NRXN3: variants seen among roughly 807,000 people sequenced by gnomAD.
NRXN3 encodes neurexin 3.
Under a neutral mutation model 137.6 loss-of-function variants are expected in NRXN3, and 32 were observed. The observed-to-expected ratio is 0.23, with a 90% confidence interval of 0.18 to 0.31. The LOEUF (loss-of-function observed/expected upper bound fraction) is 0.31. NRXN3 is among the 10% of genes least tolerant of loss of function. The probability of loss-of-function intolerance (pLI) is 1.00; values close to 1 mark genes in which losing one functional copy is unlikely to be tolerated. For missense variants in NRXN3, 1,574 were observed against 2,062.5 expected, an observed-to-expected ratio of 0.76 and a Z score of 4.59; for synonymous variants, 798 against 784.5, an observed-to-expected ratio of 1.02 and a Z score of -0.29.
chr14:79,598,867 C>G (rs184074190), intron 16 of NRXN3, among the ~76,000 whole-genome samples: 2 of 152,148 alleles, frequency 1.3e-5, no homozygotes, highest in Non-Finnish European at 2.9e-5. Flanking sequence ...AATGCTGCTT[C>G]CCTGATAAAC....
At chr14:79,120,836 A>C (rs1225022411) in intron 15 of NRXN3, among the ~76,000 whole-genome samples, 5 of 152,140 alleles carry the variant, frequency 3.3e-5, no homozygotes, top group Non-Finnish European at 7.4e-5. Flanking sequence ...CATATTAATA[A>C]AATCTCAAAA....
intron 6 of NRXN3, among the ~76,000 whole-genome samples, chr14:78,701,529 T>C (rs1237918488): frequency 1.3e-5 from 2 of 152,200 alleles, no homozygotes; most frequent in Non-Finnish European, 2.9e-5. Context: ...AGGATTTTGC[T>C]ACTTCAACGT....
At chr14:78,696,392 C>T (rs1487824581) in intron 6 of NRXN3, among the ~76,000 whole-genome samples, 1 of 151,948 alleles carries the variant, frequency 6.6e-6, no homozygotes, top group East Asian at 1.9e-4. Flanking sequence ...ATATTCTAAG[C>T]ATGTTACATG....
intron 19 of NRXN3, among the ~76,000 whole-genome samples, chr14:79,734,464 A>G (rs888161977): frequency 1.3e-5 from 2 of 152,194 alleles, no homozygotes; most frequent in Admixed American, 6.5e-5. Context: ...TACTTTTTGT[A>G]TATTCAAGAT....
At chr14:78,688,083 T>C (rs2098138937) in intron 6 of NRXN3, among the ~76,000 whole-genome samples, 1 of 152,182 alleles carries the variant, frequency 6.6e-6, no homozygotes, top group African/African-American at 2.4e-5. Context: ...CACTTGGAGA[T>C]ATGATTCTTA....
intron 2 of NRXN3, among the ~76,000 whole-genome samples, chr14:78,263,512 G>A (rs899771425): frequency 5.3e-5 from 8 of 152,168 alleles, no homozygotes; most frequent in Admixed American, 2.0e-4. Flanking sequence ...GAAGCAAACA[G>A]TACGGGGGTC....
chr14:78,566,994 T>C (rs2096842457), intron 4 of NRXN3, among the ~76,000 whole-genome samples: 1 of 152,166 alleles, frequency 6.6e-6, no homozygotes, highest in Admixed American at 6.5e-5. Context: ...GGAACATCCC[T>C]GGGAGAGGAG....
intron 6 of NRXN3, among the ~76,000 whole-genome samples, chr14:78,701,882 A>G (rs529482166): frequency 3.3e-5 from 5 of 152,302 alleles, no homozygotes; most frequent in African/African-American, 9.6e-5. Flanking sequence ...TGTCTTTGGC[A>G]GATCCTGACC....
chr14:78,197,622 G>T (rs546866698), intron 1 of NRXN3, among the ~76,000 whole-genome samples: 1 of 152,350 alleles, frequency 6.6e-6, no homozygotes, highest in African/African-American at 2.4e-5. Flanking sequence ...AAGCTCCCTT[G>T]CTTCCTTCCT....
In NRXN3 at chr14:79,358,607, G is replaced by GAGAAAGAAAGAAAAAGAAAGAA. The variant is rs2093540452; in HGVS notation, c.3263-108601_3263-108600insAAGAAAGAAAGAAAGAAAGAAA. On this transcript the variant is annotated intron_variant, in intron 15 of 20. Transcript: ENST00000335750. Reference sequence around the variant, plus strand: ...AGAGAGAAAGAAAGAAAGAAAGAAAGAGAAAGAAAGAAAGAAAGAAAGAAA... The same window carrying GAGAAAGAAAGAAAAAGAAAGAA: ...AGAGAGAAAGAAAGAAAGAAAGAAAGAGAAAGAAAGAAAAAGAAAGAAAGAAAGAAAGAAAGAAAGAAAGAAA... Among the ~76,000 whole-genome samples, 92 of 79,984 alleles carry GAGAAAGAAAGAAAAAGAAAGAA rather than the reference G, an allele frequency of 1.2e-3. 2 individuals carry two copies. The highest frequency in any genetic ancestry group is 3.7e-3 in the African/African-American group (90 of 24,020). 52.5% of individuals were successfully genotyped at this position (79,984 alleles called of 152,430 possible).
At chr14:78,256,414 G>T (rs1485224420) in intron 2 of NRXN3, among the ~76,000 whole-genome samples, 1 of 152,262 alleles carries the variant, frequency 6.6e-6, no homozygotes, top group Non-Finnish European at 1.5e-5. Context: ...GGCAAGCTCT[G>T]TTCCCAAAAG....
intron 15 of NRXN3, among the ~76,000 whole-genome samples, chr14:79,245,515 G>T (rs1302932552): frequency 6.6e-6 from 1 of 152,058 alleles, no homozygotes; most frequent in African/African-American, 2.4e-5. Context: ...TGTAATTATG[G>T]TCAAGATATT....
intron 19 of NRXN3, among the ~76,000 whole-genome samples, chr14:79,739,648 C>CAAAAAAAAAAAAAAA (rs72347811): frequency 9.4e-5 from 3 of 31,824 alleles, no homozygotes; most frequent in African/African-American, 1.1e-4. Context: ...GACTCTGCCT[C>CAAAAAAAAAAAAAAA]AAAAAAAAAA....
intron 15 of NRXN3, among the ~76,000 whole-genome samples, chr14:79,212,346 C>T (rs2067801707): frequency 6.6e-6 from 1 of 152,170 alleles, no homozygotes; most frequent in Non-Finnish European, 1.5e-5. Flanking sequence ...TTCCTCTGTA[C>T]ATATGAAGCT....
chr14:79,785,130 C>T (rs2099125592), intron 19 of NRXN3, among the ~76,000 whole-genome samples: 1 of 152,094 alleles, frequency 6.6e-6, no homozygotes, highest in African/African-American at 2.4e-5. Flanking sequence ...TTCCCAGCAG[C>T]AAAAAATGTG....
intron 15 of NRXN3, among the ~76,000 whole-genome samples, chr14:79,409,617 C>CATA: frequency 8.9e-6 from 1 of 112,116 alleles, no homozygotes; most frequent in East Asian, 2.7e-4. Flanking sequence ...GTGTGTGTGT[C>CATA]TATATATATA....
intron 10 of NRXN3, among the ~76,000 whole-genome samples, chr14:78,950,677 G>GGAA (rs1053043315): frequency 6.0e-5 from 9 of 151,216 alleles, no homozygotes; most frequent in African/African-American, 1.9e-4. Flanking sequence ...AGGAAGGAAG[G>GGAA]GAACGAGGGA....
chr14:79,529,182 C>T (rs2097148132), intron 16 of NRXN3, among the ~76,000 whole-genome samples: 1 of 152,132 alleles, frequency 6.6e-6, no homozygotes, highest in African/African-American at 2.4e-5. Flanking sequence ...TGGCTCACAA[C>T]ACTAAAGATT....
chr14:78,503,013 T>C (rs1266256559), intron 4 of NRXN3, among the ~76,000 whole-genome samples: 2 of 152,144 alleles, frequency 1.3e-5, no homozygotes, highest in Non-Finnish European at 2.9e-5. Context: ...GTTAGAGGAG[T>C]GTAGTTACTT....
Sources: allele counts gnomAD v4.1 joint callset (sites outside exome capture counted in the v4.1 genomes callset), GRCh38; gene constraint gnomAD v4.1.1; transcripts MANE v1.5; gene names NCBI Gene and HGNC (gene_info 2026-07-23, HGNC 2026-07-21).